PTPRD: variants seen among roughly 807,000 people sequenced by gnomAD.
The protein encoded by PTPRD is receptor-type tyrosine-protein phosphatase delta.
In PTPRD, 34 loss-of-function variants were observed where a neutral mutation model predicts 214.5. That is an observed-to-expected ratio of 0.16 (90% confidence interval 0.12 to 0.21). PTPRD has a LOEUF of 0.21. PTPRD is among the 10% of genes least tolerant of loss of function. The pLI is 1.00. For missense variants in PTPRD, 2,545 were observed against 2,398.7 expected, an observed-to-expected ratio of 1.06 and a Z score of -1.27; for synonymous variants, 1,128 against 845.7, an observed-to-expected ratio of 1.33 and a Z score of -5.79.
intron 9 of PTPRD, among the ~76,000 whole-genome samples, chr9:9,211,326 T>C (rs2099948447): frequency 1.3e-5 from 2 of 152,176 alleles, no homozygotes. Context: ...TATACTCATC[T>C]TTAAAATGAG....
At chr9:9,646,243 T>C (rs991998500) in intron 7 of PTPRD, among the ~76,000 whole-genome samples, 20 of 151,940 alleles carry the variant, frequency 1.3e-4, no homozygotes, top group East Asian at 1.9e-4. Context: ...CTGCTCTTGA[T>C]GGAAAGTTTT....
At chr9:9,248,847 T>C (rs2099974165) in intron 9 of PTPRD, among the ~76,000 whole-genome samples, 1 of 152,020 alleles carries the variant, frequency 6.6e-6, no homozygotes, top group Non-Finnish European at 1.5e-5. Flanking sequence ...GCAAGTAAAG[T>C]AGCTCAGAAA....
At chr9:9,652,171 G>C (rs1369680702) in intron 7 of PTPRD, among the ~76,000 whole-genome samples, 1 of 151,992 alleles carries the variant, frequency 6.6e-6, no homozygotes, top group Non-Finnish European at 1.5e-5. Flanking sequence ...CTTTCTCAAA[G>C]TCATGCCTCA....
At chr9:8,883,874 A>G (rs1381620665) in intron 11 of PTPRD, among the ~76,000 whole-genome samples, 1 of 152,236 alleles carries the variant, frequency 6.6e-6, no homozygotes, top group African/African-American at 2.4e-5. Flanking sequence ...AGAGCAAAAT[A>G]TCTGGGGATA....
Position 9,191,155 on chromosome 9 carries a change from G to C in PTPRD, c.-202-7792C>G, listed in dbSNP as rs145589434. On this transcript the variant is annotated intron_variant, in intron 9 of 45. Transcript: ENST00000381196. ...TTTCTTGCTTGCTATGTCACATTCTGTCTCTTGGAGCCTTTGGTCTGGAAA... is the reference window on the plus strand; with the variant it reads ...TTTCTTGCTTGCTATGTCACATTCTCTCTCTTGGAGCCTTTGGTCTGGAAA... Among the ~76,000 whole-genome samples, 278 of 152,218 alleles carry C rather than the reference G, an allele frequency of 1.8e-3. 3 individuals are homozygous for C. Among genetic ancestry groups the C allele is most frequent in the Non-Finnish European group, 3.4e-3 (231 of 67,998 alleles).
At chr9:9,609,437 A>G (rs1384118295) in intron 7 of PTPRD, among the ~76,000 whole-genome samples, 1 of 152,172 alleles carries the variant, frequency 6.6e-6, no homozygotes, top group Non-Finnish European at 1.5e-5. Context: ...GATGTATATC[A>G]AGTAACAATG....
chr9:8,748,606 T>C (rs1049873612), intron 11 of PTPRD, among the ~76,000 whole-genome samples: 11 of 149,920 alleles, frequency 7.3e-5, no homozygotes, highest in African/African-American at 2.4e-4. Flanking sequence ...GTCAAAACTA[T>C]TCATTGCATA....
intron 7 of PTPRD, among the ~76,000 whole-genome samples, chr9:9,634,467 T>G (rs574309756): frequency 6.6e-6 from 1 of 152,252 alleles, no homozygotes; most frequent in South Asian, 2.1e-4. Context: ...TCCATGAGAC[T>G]GTGTGTTTGT....
chr9:8,499,639 A>G lies in PTPRD; in HGVS notation c.2322+8T>C, dbSNP rs1363235166. The G allele has an allele frequency of 6.2e-7, 1 of 1,604,730 alleles. No homozygotes were observed. On this transcript the variant is annotated splice_region_variant and intron_variant, in intron 25 of 45. Transcript: ENST00000381196. ...TAAAAACAGAGGTACATAATTTCAG[A>G]GGCTTACCTGTGCATCAGCCAGCAT... is the stretch of plus-strand genomic sequence containing the variant.
chr9:8,583,849 C>G (rs1240998691), intron 14 of PTPRD, among the ~76,000 whole-genome samples: 1 of 152,108 alleles, frequency 6.6e-6, no homozygotes, highest in African/African-American at 2.4e-5. Context: ...TTCTTCATTT[C>G]ATATCTAAAA....
At chr9:8,447,772 G>A (rs372719003) in intron 34 of PTPRD, among the ~76,000 whole-genome samples, 3 of 152,092 alleles carry the variant, frequency 2.0e-5, no homozygotes, top group East Asian at 1.9e-4. Context: ...TTCTGCCTCC[G>A]GTGGAAGACC....
At chr9:8,744,704 G>A (rs2092586560) in intron 11 of PTPRD, among the ~76,000 whole-genome samples, 1 of 152,210 alleles carries the variant, frequency 6.6e-6, no homozygotes, top group African/African-American at 2.4e-5. Context: ...AGTGTACACT[G>A]CTTGGGCGAT....
chr9:9,743,312 G>A (rs1226337546), intron 6 of PTPRD, among the ~76,000 whole-genome samples: 5 of 152,150 alleles, frequency 3.3e-5, no homozygotes, highest in Non-Finnish European at 5.9e-5. Context: ...TCAAGAGTCT[G>A]TGTTCTGACT....
intron 26 of PTPRD, among the ~76,000 whole-genome samples, chr9:8,495,035 C>G (rs960984422): frequency 4.7e-5 from 7 of 150,358 alleles, no homozygotes; most frequent in African/African-American, 1.8e-4. Flanking sequence ...TTTCTCTAAT[C>G]TTAAAAAAGA....
chr9:8,356,706 T>C (rs907509003), intron 39 of PTPRD, among the ~76,000 whole-genome samples: 3 of 152,214 alleles, frequency 2.0e-5, no homozygotes, highest in Admixed American at 1.3e-4. Context: ...TAGAACTTAA[T>C]TGCTCTTCTA....
intron 3 of PTPRD, among the ~76,000 whole-genome samples, chr9:10,242,858 T>G (rs1011051606): frequency 6.6e-6 from 1 of 151,318 alleles, no homozygotes; most frequent in Admixed American, 6.6e-5. Flanking sequence ...AGAAATTTGA[T>G]GTAACGTATC....
chr9:9,792,843 T>A (rs1471343549), intron 5 of PTPRD, among the ~76,000 whole-genome samples: 1 of 152,176 alleles, frequency 6.6e-6, no homozygotes, highest in Admixed American at 6.5e-5. Context: ...TAATTAGTGA[T>A]GAAATTTAAT....
chr9:8,379,502 C>G (rs567078570), intron 37 of PTPRD, among the ~76,000 whole-genome samples: 12 of 152,152 alleles, frequency 7.9e-5, no homozygotes, highest in African/African-American at 2.9e-4. Context: ...CATTAGGGAG[C>G]AAGTATGAAA....
intron 5 of PTPRD, among the ~76,000 whole-genome samples, chr9:9,894,533 A>G (rs2074397545): frequency 6.6e-6 from 1 of 151,772 alleles, no homozygotes; most frequent in Non-Finnish European, 1.5e-5. Context: ...ATATTTGTCT[A>G]ATCAACTTTC....
Sources: gnomAD v4.1 joint callset for allele counts (sites outside exome capture counted in the v4.1 genomes callset) on GRCh38, gnomAD v4.1.1 for gene constraint, MANE v1.5 for transcripts, NCBI Gene and HGNC (gene_info 2026-07-23, HGNC 2026-07-21) for gene names.